Variants in GRID2 observed in about 807,000 individuals in gnomAD.
The protein encoded by GRID2 is glutamate ionotropic receptor delta type subunit 2, also known as glutamate receptor ionotropic, delta-2.
A neutral mutation model predicts 114.8 loss-of-function variants in GRID2; 33 were observed. The observed-to-expected ratio is 0.29, with a 90% CI of 0.22 to 0.38. GRID2 has a LOEUF of 0.38. GRID2 is among the 10% of genes least tolerant of loss of function. GRID2 has a pLI of 1.00. For missense variants in GRID2, 1,184 were observed against 1,257.7 expected (o/e 0.94, Z 0.89); for synonymous variants, 505 against 449.9 (o/e 1.12, Z -1.55).
intron 2 of GRID2, among the ~76,000 whole-genome samples, chr4:92,799,726 A>G (rs1241421092): frequency 6.6e-6 from 1 of 152,066 alleles, no homozygotes; most frequent in Non-Finnish European, 1.5e-5. Context: ...GATACAGCAT[A>G]AAGTCACATT....
At chr4:92,376,567 C>T (rs10004386) in intron 1 of GRID2, among the ~76,000 whole-genome samples, 4,019 of 152,190 alleles carry the variant, frequency 0.026, 146 homozygotes, top group African/African-American at 0.084. Flanking sequence ...CTCCACTAGG[C>T]GGTGCCCCAT....
intron 2 of GRID2, among the ~76,000 whole-genome samples, chr4:92,934,892 A>T (rs1750537980): frequency 6.8e-6 from 1 of 147,022 alleles, no homozygotes; most frequent in African/African-American, 2.4e-5. Context: ...TTAATTCAAG[A>T]TGGATTAAAG....
intron 1 of GRID2, among the ~76,000 whole-genome samples, chr4:92,505,165 C>T (rs576292376): frequency 6.6e-6 from 1 of 152,072 alleles, no homozygotes; most frequent in South Asian, 2.1e-4. Context: ...TGCCATTCTG[C>T]TCACAACATG....
chr4:93,336,469 G>GT (rs1036214784), intron 8 of GRID2, among the ~76,000 whole-genome samples: 1 of 152,090 alleles, frequency 6.6e-6, no homozygotes, highest in African/African-American at 2.4e-5. Context: ...GGTTATTTAG[G>GT]TTTTTTCCCA....
At chr4:92,920,481 G>C (rs1422655236) in intron 2 of GRID2, among the ~76,000 whole-genome samples, 1 of 152,174 alleles carries the variant, frequency 6.6e-6, no homozygotes, top group African/African-American at 2.4e-5. Context: ...TGCAGTGGCT[G>C]GTACCAGTTG....
intron 4 of GRID2, among the ~76,000 whole-genome samples, chr4:93,143,892 T>C (rs1735972828): frequency 6.6e-6 from 1 of 152,190 alleles, no homozygotes; most frequent in Non-Finnish European, 1.5e-5. Flanking sequence ...TGATTTTTTT[T>C]TCTATATAGA....
At chr4:93,501,013 G>A (rs1212910002) in intron 12 of GRID2, among the ~76,000 whole-genome samples, 1 of 151,878 alleles carries the variant, frequency 6.6e-6, no homozygotes, top group African/African-American at 2.4e-5. Context: ...ATATTCTTGA[G>A]GGTTGTTTTA....
chr4:92,769,755 G>A (rs1460828379), intron 2 of GRID2, among the ~76,000 whole-genome samples: 3 of 152,224 alleles, frequency 2.0e-5, no homozygotes, highest in African/African-American at 7.2e-5. Flanking sequence ...GTCACAGCTG[G>A]AGTGACTGGG....
At chr4:92,818,381 T>C (rs945942151) in intron 2 of GRID2, among the ~76,000 whole-genome samples, 5 of 152,032 alleles carry the variant, frequency 3.3e-5, no homozygotes, top group African/African-American at 1.2e-4. Flanking sequence ...CAGGAAACAT[T>C]AAAAAAGAAA....
In GRID2 at chr4:92,590,144, T is replaced by A; in HGVS notation, c.102T>A (p.Asp34Glu). The A allele has an allele frequency of 6.2e-7, 1 of 1,611,150 alleles. No homozygotes were observed. The highest frequency in any genetic ancestry group is 1.7e-5 in the Admixed American group (1 of 59,914). Residue 34 changes from aspartate to glutamate, a missense_variant, in exon 2 of 16, where the codon GAT becomes GAA. By Grantham distance (45) the Asp-to-Glu change is conservative (BLOSUM62 2). This residue lies in a region of GRID2 where 455 missense variants were observed against 429.5 expected (regional missense o/e 1.06). Transcript: ENST00000282020. ...ACTTCTTTCTAGGAGCAATTTTTGA[T>A]GAATCTGCCAAAAAGGATGATGAGG... is the stretch of plus-strand genomic sequence containing the variant. ...DSIIHIGAIF[D>E]ESAKKDDEVF... is the part of the protein sequence containing the mutation.
At chr4:92,556,820 C>T (rs35012816) in intron 1 of GRID2, among the ~76,000 whole-genome samples, 33,002 of 151,974 alleles carry the variant, frequency 0.22, 3,872 homozygotes, top group South Asian at 0.29. Flanking sequence ...CCCAGAAGCA[C>T]ATTTGCCATA....
chr4:93,339,813 A>G (rs1759461388), intron 8 of GRID2, among the ~76,000 whole-genome samples: 1 of 152,156 alleles, frequency 6.6e-6, no homozygotes, highest in South Asian at 2.1e-4. Flanking sequence ...TCATGGTGGA[A>G]GGCGAAGGGG....
chr4:92,753,910 A>G (rs2149340752), intron 2 of GRID2, among the ~76,000 whole-genome samples: 1 of 152,330 alleles, frequency 6.6e-6, no homozygotes, highest in South Asian at 2.1e-4. Flanking sequence ...TTGTTAAATA[A>G]TTATCAAATT....
intron 2 of GRID2, among the ~76,000 whole-genome samples, chr4:92,934,713 G>A (rs1323951275): frequency 1.4e-5 from 2 of 146,552 alleles, no homozygotes; most frequent in African/African-American, 2.4e-5. Context: ...GAACAGAACA[G>A]AGCCCTCAGA....
chr4:92,682,602 C>A (rs567277071), intron 2 of GRID2, among the ~76,000 whole-genome samples: 2 of 151,768 alleles, frequency 1.3e-5, no homozygotes, highest in African/African-American at 4.8e-5. Flanking sequence ...CGATTTCTTT[C>A]TGAGAAGAGA....
chr4:93,688,606 C>T (rs1657416884), intron 14 of GRID2, among the ~76,000 whole-genome samples: 1 of 151,870 alleles, frequency 6.6e-6, no homozygotes. Flanking sequence ...GTAAATATAC[C>T]TCTACATAGA....
intron 1 of GRID2, among the ~76,000 whole-genome samples, chr4:92,503,021 G>T (rs1346610311): frequency 6.6e-6 from 1 of 151,848 alleles, no homozygotes; most frequent in Non-Finnish European, 1.5e-5. Flanking sequence ...CAAAAGCAAA[G>T]ATAAAAAATT....
intron 13 of GRID2, among the ~76,000 whole-genome samples, chr4:93,587,962 A>T (rs1382170892): frequency 6.6e-6 from 1 of 152,146 alleles, no homozygotes; most frequent in Non-Finnish European, 1.5e-5. Context: ...CCCAGGGATG[A>T]TCCAAGAATC....
intron 10 of GRID2, among the ~76,000 whole-genome samples, chr4:93,444,026 A>T (rs1300177221): frequency 6.6e-6 from 1 of 151,992 alleles, no homozygotes; most frequent in Non-Finnish European, 1.5e-5. Context: ...AGAAGTTTAT[A>T]TTGAAATTGA....
Sources: allele counts gnomAD v4.1 joint callset (sites outside exome capture counted in the v4.1 genomes callset), GRCh38; gene constraint gnomAD v4.1.1; regional missense constraint gnomAD v4.1.1; transcripts MANE v1.5; gene names NCBI Gene and HGNC (gene_info 2026-07-23, HGNC 2026-07-21).